Variants in PKD1L1 observed in about 807,000 individuals in gnomAD.
PKD1L1 encodes the protein polycystin 1 like 1, transient receptor potential channel interacting, also known as polycystin-1-like protein 1.
Under a neutral mutation model 323.4 loss-of-function variants are expected in PKD1L1, and 236 were observed. The ratio of observed to expected loss-of-function variants is 0.73; its 90% CI spans 0.66 to 0.81. The LOEUF is 0.81. Among genes scored for constraint, PKD1L1 ranks in the 40% least tolerant of loss-of-function variants. PKD1L1 has a pLI of 0.00. For synonymous variants in PKD1L1, 1,344 were observed against 1,335.0 expected, an observed-to-expected ratio of 1.01 and a Z score of -0.15; for missense variants, 3,320 against 3,508.0, an observed-to-expected ratio of 0.95 and a Z score of 1.35.
intron 13 of PKD1L1, among the ~76,000 whole-genome samples, chr7:47,901,341 A>AAGAAAAAG (rs1554409747): frequency 9.2e-4 from 139 of 151,358 alleles, no homozygotes; most frequent in African/African-American, 3.3e-3. Context: ...AAAAAAAAAA[A>AAGAAAAAG]AAAAAAAGAA....
intron 7 of PKD1L1, among the ~76,000 whole-genome samples, chr7:47,918,272 T>C (rs936330826): frequency 6.6e-6 from 1 of 152,094 alleles, no homozygotes; most frequent in Non-Finnish European, 1.5e-5. Context: ...AGAAGCACAT[T>C]ATATAATGAT....
chr7:47,907,985 T>C (rs1787241507), intron 9 of PKD1L1, 92 bp downstream of exon 9: 4 of 1,227,234 alleles, frequency 3.3e-6, no homozygotes, highest in Non-Finnish European at 4.4e-6. Flanking sequence ...AATTTAGAAC[T>C]GCTATAACTT....
chr7:47,854,959 G>T lies in PKD1L1; in HGVS notation c.4782C>A (p.Asn1594Lys). 2 of 1,614,020 alleles carry T rather than the reference G, an allele frequency of 1.2e-6. No homozygotes were observed. The highest frequency in any genetic ancestry group is 1.7e-6 in the Non-Finnish European group (2 of 1,179,964). Residue 1594 changes from asparagine to lysine, a missense_variant, in exon 30 of 57, where the codon AAC (asparagine) becomes AAA (lysine). Coordinates refer to ENST00000289672, the MANE Select transcript of PKD1L1 (RefSeq NM_138295.5). Reference sequence around the variant, plus strand: ...TTTCTATCTGTAGAGATTCCTGGGGGTTTTCGGAAAGCTCAGTGAACTGAT... The same window carrying T: ...TTTCTATCTGTAGAGATTCCTGGGGTTTTTCGGAAAGCTCAGTGAACTGAT... ...NLHQFTELSE[N>K]PQESLQIEIE...
upstream of PKD1L1, among the ~76,000 whole-genome samples, chr7:47,949,224 C>T (rs1330811734): frequency 1.3e-5 from 2 of 151,794 alleles, no homozygotes; most frequent in African/African-American, 4.8e-5. Context: ...CAAAAATTAG[C>T]CAGGCATGGT....
Position 47,908,191 on chromosome 7 carries a change from G to A in PKD1L1, c.1288C>T (p.Leu430Phe). ...YNEFHGTEVE[L>F]GPYYVEIGHE... Reference sequence around the variant, plus strand: ...CCAATCTCCACATAATAAGGCCCAAGCTCCACTTCGGTTCCATGAAACTCG... The same window carrying A: ...CCAATCTCCACATAATAAGGCCCAAACTCCACTTCGGTTCCATGAAACTCG... Residue 430 changes from leucine (L) to phenylalanine (F), a missense_variant, in exon 9 of 57, where the codon CTT (leucine) becomes TTT (phenylalanine). Coordinates refer to ENST00000289672, the MANE Select transcript of PKD1L1 (RefSeq NM_138295.5). 2 of 1,614,166 alleles carry A rather than the reference G, an allele frequency of 1.2e-6. No homozygotes were observed. Among genetic ancestry groups the A allele is most frequent in the Non-Finnish European group, 1.7e-6 (2 of 1,180,026 alleles).
At chr7:47,906,037 G>A (rs527723741) in intron 9 of PKD1L1, 75 bp from the exon 10 acceptor site, 2 of 1,337,984 alleles carry the variant, frequency 1.5e-6, no homozygotes, top group Non-Finnish European at 2.0e-6. Context: ...CACACAGTCA[G>A]TATTTTTCAT....
At chr7:47,805,884 A>G (rs1784766144) in intron 52 of PKD1L1, among the ~76,000 whole-genome samples, 1 of 152,160 alleles carries the variant, frequency 6.6e-6, no homozygotes, top group African/African-American at 2.4e-5. Context: ...AGCTCAACAT[A>G]CACGTGATTA....
Position 47,908,191 on chromosome 7 carries a change from G to C in PKD1L1, c.1288C>G (p.Leu430Val). ...YNEFHGTEVE[L>V]GPYYVEIGHE... ...CCAATCTCCACATAATAAGGCCCAA[G>C]CTCCACTTCGGTTCCATGAAACTCG... Residue 430 changes from leucine (L) to valine (V), a missense_variant, in exon 9 of 57, where the codon CTT (leucine) becomes GTT (valine). Leu to Val is a conservative substitution (Grantham distance 32). Transcript: ENST00000289672. 2 of 1,614,166 alleles carry C rather than the reference G, an allele frequency of 1.2e-6. No homozygotes were observed. The highest frequency in any genetic ancestry group is 1.7e-6 in the Non-Finnish European group (2 of 1,180,026).
intron 31 of PKD1L1, among the ~76,000 whole-genome samples, chr7:47,849,839 A>G (rs1412618108): frequency 6.6e-6 from 1 of 152,236 alleles, no homozygotes; most frequent in Non-Finnish European, 1.5e-5. Context: ...CTACTCAGCC[A>G]TAAGAAGGAA....
chr7:47,881,957 G>A lies in PKD1L1; in HGVS notation c.3394C>T (p.Pro1132Ser), dbSNP rs372581074. ...RAEPVLMIDW[P>S]KALLGRAVFQ... Reference sequence around the variant, plus strand: ...ACTGCTCGACCCAGCAGGGCCTTGGGCCAGTCAATCATGAGGACAGGCTCG... The same window carrying A: ...ACTGCTCGACCCAGCAGGGCCTTGGACCAGTCAATCATGAGGACAGGCTCG... Residue 1132 changes from proline to serine, a missense_variant, in exon 20 of 57, where the codon CCC becomes TCC. Physicochemically the swap from Pro to Ser is moderately conservative, Grantham distance 74. Transcript: ENST00000289672. 132 of 1,613,562 alleles carry A rather than the reference G, an allele frequency of 8.2e-5. No individual in the cohort carries two copies. Among genetic ancestry groups the A allele is most frequent in the Non-Finnish European group, 1.1e-4 (131 of 1,179,876 alleles).
chr7:47,877,547 G>T lies in PKD1L1; in HGVS notation c.3605C>A (p.Pro1202His). The stretch of plus-strand genomic sequence containing the variant: ...GGTGTGTGCTTCCAGACCATGGTGG[G>T]GCTGCACCTGACAGGCCATGTCCCG... ...APRDMACQVQ[P>H]HHGLEAHTVF... is the part of the protein sequence containing the mutation. Residue 1202 changes from proline (P) to histidine (H), a missense_variant, in exon 22 of 57, where the codon CCC becomes CAC. Transcript: ENST00000289672. 6.2e-7 allele frequency: 1 copy of T among 1,614,042 alleles called. No individual in the cohort carries two copies. The highest frequency in any genetic ancestry group is 1.3e-5 in the African/African-American group (1 of 75,018).
chr7:47,834,573 A>AT (rs947075774), intron 39 of PKD1L1, among the ~76,000 whole-genome samples, 188 bp from the exon 40 acceptor site: 1 of 152,166 alleles, frequency 6.6e-6, no homozygotes, highest in African/African-American at 2.4e-5. Flanking sequence ...TTCAGTCCTG[A>AT]TGTTGGCTTG....
In PKD1L1 at chr7:47,933,776, G is replaced by A. The variant is rs755421057; in HGVS notation, c.399-1720C>T. On this transcript the variant is annotated intron_variant, in intron 4 of 56. Transcript: ENST00000289672. ...TAAAGGCTGCATCCAACCAGATAAG[G>A]ACACGCGCACACTCTTCCACTATTG... is the stretch of plus-strand genomic sequence containing the variant. 4.6e-5 allele frequency among the ~76,000 whole-genome samples: 7 copies of A among 152,166 alleles called. No homozygotes were observed. In the South Asian group the frequency reaches 8.3e-4, roughly 18 times the overall value.
chr7:47,960,051 T>G, the PKD1L1 span, among the ~76,000 whole-genome samples: 3 of 152,256 alleles, frequency 2.0e-5, no homozygotes, highest in African/African-American at 7.2e-5. Flanking sequence ...CTTGTGATCC[T>G]GTTGATCAGT....
intron 4 of PKD1L1, among the ~76,000 whole-genome samples, chr7:47,935,882 C>T (rs1562997971): frequency 6.6e-6 from 1 of 152,244 alleles, no homozygotes; most frequent in Admixed American, 6.5e-5. Flanking sequence ...TGGGCCACTA[C>T]CAGTCACTGC....
intron 20 of PKD1L1, 41 bp from the exon 21 acceptor site, chr7:47,880,846 G>A (rs1265922658): frequency 5.8e-6 from 9 of 1,539,290 alleles, no homozygotes; most frequent in African/African-American, 1.4e-5. Flanking sequence ...ACAGTCAGTG[G>A]TCTCAAGGAC....
intron 7 of PKD1L1, among the ~76,000 whole-genome samples, chr7:47,918,662 A>G (rs1405137336): frequency 6.6e-6 from 1 of 152,178 alleles, no homozygotes; most frequent in Admixed American, 6.5e-5. Flanking sequence ...AAATTGTATC[A>G]AGCACTCTCT....
chr7:47,899,751 T>C (rs1483023280), intron 13 of PKD1L1, among the ~76,000 whole-genome samples: 1 of 151,906 alleles, frequency 6.6e-6, no homozygotes, highest in Non-Finnish European at 1.5e-5. Flanking sequence ...GGTCAGGAGA[T>C]CAAGACCATC....
Position 47,842,991 on chromosome 7 carries a change from A to C in PKD1L1, c.5416T>G (p.Phe1806Val), listed in dbSNP as rs746225169. 1.2e-6 allele frequency: 2 copies of C among 1,613,796 alleles called. No individual in the cohort carries two copies. Among genetic ancestry groups the C allele is most frequent in the Non-Finnish European group, 1.7e-6 (2 of 1,179,842 alleles). ...GAGGTCAACCTGGCCGGAGCTCGGA[A>C]GCCAGTGTCAATGACGACCGCATAT... The part of the protein sequence containing the change: ...QLYAVVIDTG[F>V]RAPARLTSKV... The change falls in exon 34 of 57, where the codon TTC (phenylalanine) becomes GTC (valine). Residue 1806 changes from phenylalanine to valine, a missense_variant. Physicochemically the swap from Phe to Val is conservative, Grantham distance 50 (BLOSUM62 -1). Coordinates refer to ENST00000289672, the MANE Select transcript of PKD1L1 (RefSeq NM_138295.5).
Sources: gnomAD v4.1 joint callset for allele counts (sites outside exome capture counted in the v4.1 genomes callset) on GRCh38, gnomAD v4.1.1 for gene constraint, MANE v1.5 for transcripts, NCBI Gene and HGNC (gene_info 2026-07-23, HGNC 2026-07-21) for gene names.